EFCAB8: variants seen among roughly 807,000 people sequenced by gnomAD.
EFCAB8 encodes EF-hand calcium binding domain 8.
In EFCAB8, 100 loss-of-function variants were observed where a neutral mutation model predicts 116.3. That is an observed-to-expected ratio of 0.86 (90% CI 0.73 to 1.02). The LOEUF is 1.02. Ranked by LOEUF, EFCAB8 falls within the 50% of genes least tolerant of loss-of-function variation. The pLI is 0.00. For synonymous variants in EFCAB8, 558 were observed against 567.9 expected (o/e 0.98, Z 0.25); for missense variants, 1,320 against 1,416.9 (o/e 0.93, Z 1.10).
intron 2 of EFCAB8, among the ~76,000 whole-genome samples, chr20:32,864,702 T>C (rs572183130): frequency 4.5e-4 from 68 of 152,276 alleles, no homozygotes; most frequent in South Asian, 2.1e-3. Context: ...GTGATAATAG[T>C]GGGATGGGCT....
At chr20:32,896,618 T>G (rs1225020702) in intron 10 of EFCAB8, 91 bp downstream of exon 10, 1 of 693,268 alleles carries the variant, frequency 1.4e-6, no homozygotes. Flanking sequence ...ATTTACTCCC[T>G]GGGTTCAGTC....
At chr20:32,862,498 C>T (rs534529750) in intron 1 of EFCAB8, among the ~76,000 whole-genome samples, 1 of 152,182 alleles carries the variant, frequency 6.6e-6, no homozygotes, top group Non-Finnish European at 1.5e-5. Flanking sequence ...TTCTTGGCTT[C>T]CAAATCTCCT....
At chr20:32,940,023 CCCTT>C (rs757461144) in intron 22 of EFCAB8, among the ~76,000 whole-genome samples, 3,695 of 55,798 alleles carry the variant, frequency 0.066, 407 homozygotes, top group Non-Finnish European at 0.079. Context: ...CTCCCTCCCT[CCCTT>C]CCTTCCTTCC....
In EFCAB8 at chr20:32,911,795, T is replaced by A. The variant is rs1458930607; in HGVS notation, c.1785+88T>A. ...TGACCCTGGGATGCACTATTTTTTG[T>A]ACCTCTCTGAAAGGGTGTTCATCAT... On this transcript the variant is annotated intron_variant, in intron 16 of 26. Coordinates refer to ENST00000400522, the MANE Select transcript of EFCAB8 (RefSeq NM_001143967.2). The A allele has an allele frequency of 3.1e-6, 4 of 1,310,810 alleles. No individual in the cohort carries two copies. The African/African-American group carries it at 4.4e-5, about 14-fold the overall frequency. The allele number at this position is 1,310,810 out of a possible 1,614,324, so 81.2% of individuals were successfully genotyped here.
intron 22 of EFCAB8, among the ~76,000 whole-genome samples, chr20:32,939,780 C>T (rs1308703661): frequency 2.0e-5 from 3 of 146,762 alleles, no homozygotes; most frequent in Admixed American, 6.7e-5. Context: ...CTGCAACCTC[C>T]GCCTCCCAGA....
At chr20:32,956,809 A>G (rs1988977824) in intron 23 of EFCAB8, among the ~76,000 whole-genome samples, 1 of 152,138 alleles carries the variant, frequency 6.6e-6, no homozygotes, top group Non-Finnish European at 1.5e-5. Context: ...GTCTTTCATC[A>G]GTTTTGAAAA....
intron 17 of EFCAB8, 129 bp downstream of exon 17, chr20:32,912,993 A>G (rs1987014951): frequency 1.6e-6 from 1 of 630,858 alleles, no homozygotes. Context: ...GTTAATGACT[A>G]TTGCTTCATC....
intron 7 of EFCAB8, among the ~76,000 whole-genome samples, chr20:32,890,105 C>G (rs953671860): frequency 6.6e-6 from 1 of 152,148 alleles, no homozygotes; most frequent in Non-Finnish European, 1.5e-5. Context: ...TTCACCCTAC[C>G]CCAGTGTTCT....
chr20:32,893,455 C>A, intron 9 of EFCAB8, 157 bp downstream of exon 9: 2 of 711,014 alleles, frequency 2.8e-6, no homozygotes, highest in Non-Finnish European at 1.7e-6. Context: ...CCGCTCAGCT[C>A]AGCACAGAGG....
intron 26 of EFCAB8, 111 bp downstream of exon 26, chr20:32,960,272 G>A: frequency 9.9e-7 from 1 of 1,010,664 alleles, no homozygotes; most frequent in Non-Finnish European, 1.5e-6. Context: ...GGGTGGACAG[G>A]AGCCTTTGTC....
intron 3 of EFCAB8, among the ~76,000 whole-genome samples, chr20:32,874,556 T>G (rs1387259262): frequency 6.6e-6 from 1 of 152,056 alleles, no homozygotes; most frequent in East Asian, 1.9e-4. Context: ...TCCTTTTTCT[T>G]TTTTTGAGAC....
At chr20:32,910,155 T>C (rs1986854492) in intron 15 of EFCAB8, among the ~76,000 whole-genome samples, 1 of 152,192 alleles carries the variant, frequency 6.6e-6, no homozygotes, top group South Asian at 2.1e-4. Context: ...AGCCATGGGA[T>C]CGCCTAACTC....
intron 22 of EFCAB8, among the ~76,000 whole-genome samples, chr20:32,941,747 C>T (rs1733110167): frequency 6.6e-6 from 1 of 152,108 alleles, no homozygotes; most frequent in South Asian, 2.1e-4. Context: ...TAAAGAGTTT[C>T]TTTCTGGGGT....
chr20:32,924,693 G>A (rs572725840), intron 20 of EFCAB8, among the ~76,000 whole-genome samples: 8 of 152,242 alleles, frequency 5.3e-5, no homozygotes, highest in Admixed American at 1.3e-4. Context: ...GGCTTTTTAC[G>A]TGGCCTGGTG....
intron 2 of EFCAB8, among the ~76,000 whole-genome samples, chr20:32,865,030 A>G (rs965029823): frequency 1.3e-5 from 2 of 152,206 alleles, no homozygotes; most frequent in Admixed American, 1.3e-4. Context: ...AAGTTAAAAT[A>G]GCCTGTAAGT....
chr20:32,961,083 G>A, intron 26 of EFCAB8, 53 bp from the exon 27 acceptor site: 1 of 1,470,650 alleles, frequency 6.8e-7, no homozygotes, highest in Non-Finnish European at 9.3e-7. Context: ...GATCCTGGGT[G>A]TCCCCGGCTC....
chr20:32,924,979 C>T (rs1987615757), intron 20 of EFCAB8, among the ~76,000 whole-genome samples: 1 of 152,090 alleles, frequency 6.6e-6, no homozygotes, highest in South Asian at 2.1e-4. Flanking sequence ...GGAGAGGGTC[C>T]AGAGTGCTTG....
At chr20:32,905,016 G>A (rs138175631) in intron 11 of EFCAB8, among the ~76,000 whole-genome samples, 11 of 152,218 alleles carry the variant, frequency 7.2e-5, no homozygotes, top group South Asian at 4.2e-4. Flanking sequence ...GAGCATCTGC[G>A]GTTCTTAGGC....
intron 10 of EFCAB8, among the ~76,000 whole-genome samples, chr20:32,897,780 T>C (rs1986233810): frequency 6.6e-6 from 1 of 152,132 alleles, no homozygotes; most frequent in Non-Finnish European, 1.5e-5. Context: ...GTGTCTTGGA[T>C]TCGGTGCCTT....
Sources: allele counts gnomAD v4.1 joint callset (sites outside exome capture counted in the v4.1 genomes callset), GRCh38; gene constraint gnomAD v4.1.1; transcripts MANE v1.5; gene names NCBI Gene and HGNC (gene_info 2026-07-23, HGNC 2026-07-21).